FOXO3: variants seen among roughly 807,000 people sequenced by gnomAD.
FOXO3 encodes forkhead box protein O3.
Under a neutral mutation model 41.9 loss-of-function variants are expected in FOXO3, and 4 were observed. That is an observed-to-expected ratio of 0.10 (90% CI 0.05 to 0.22). The LOEUF (loss-of-function observed/expected upper bound fraction) is 0.22. FOXO3 is among the 10% of genes least tolerant of loss of function. The probability of loss-of-function intolerance (pLI) is 1.00; values close to 1 mark genes in which losing one functional copy is unlikely to be tolerated. For synonymous variants in FOXO3, 318 were observed against 389.3 expected (o/e 0.82, Z 2.16); for missense variants, 534 against 906.8 (o/e 0.59, Z 5.28).
Position 108,603,867 on chromosome 6 carries a change from T to C in FOXO3, c.621+42038T>C, listed in dbSNP as rs550620636. 2.6e-4 allele frequency among the ~76,000 whole-genome samples: 39 copies of C among 152,310 alleles called. 1 individual carries two copies. Among genetic ancestry groups the C allele is most frequent in the Admixed American group, 1.9e-3 (29 of 15,292 alleles). ...TTTAGTTCTATTTTTTAAATAAAAA[T>C]TTCCCAGCATGGTACATTAGACAAT... On this transcript the variant is annotated intron_variant, in intron 1 of 2. Coordinates refer to ENST00000406360, the MANE Select transcript of FOXO3 (RefSeq NM_001455.4).
At chr6:108,667,700 T>C (rs1051318223) in intron 2 of FOXO3, among the ~76,000 whole-genome samples, 1 of 152,250 alleles carries the variant, frequency 6.6e-6, no homozygotes, top group Non-Finnish European at 1.5e-5. Flanking sequence ...ATGCATTTCA[T>C]TGTTATATCC....
intron 1 of FOXO3, among the ~76,000 whole-genome samples, chr6:108,596,878 G>A (rs1362032808): frequency 1.3e-5 from 2 of 152,168 alleles, no homozygotes; most frequent in East Asian, 1.9e-4. Context: ...GCAGCTCAAA[G>A]GGATGCTTTT....
At chr6:108,634,748 A>AC (rs749717657) in intron 1 of FOXO3, among the ~76,000 whole-genome samples, 23 of 152,300 alleles carry the variant, frequency 1.5e-4, no homozygotes, top group Non-Finnish European at 2.8e-4. Context: ...GATGATGAGT[A>AC]CATGGGGGTG....
chr6:108,601,749 A>T (rs1262304763), intron 1 of FOXO3, among the ~76,000 whole-genome samples: 1 of 152,200 alleles, frequency 6.6e-6, no homozygotes. Context: ...CATACAGTAT[A>T]TGGATTTTTG....
At chr6:108,669,324 T>C (rs1291819345) in intron 2 of FOXO3, among the ~76,000 whole-genome samples, 1 of 152,186 alleles carries the variant, frequency 6.6e-6, no homozygotes, top group East Asian at 1.9e-4. Context: ...GTTTGACTGA[T>C]GTTTGAATGC....
intron 2 of FOXO3, among the ~76,000 whole-genome samples, chr6:108,669,333 G>C (rs1252252993): frequency 6.6e-6 from 1 of 152,170 alleles, no homozygotes. Flanking sequence ...ATGTTTGAAT[G>C]CTGTGATTCT....
chr6:108,604,401 T>C (rs1303712378), intron 1 of FOXO3, among the ~76,000 whole-genome samples: 1 of 152,236 alleles, frequency 6.6e-6, no homozygotes, highest in Non-Finnish European at 1.5e-5. Flanking sequence ...TGGATGATTG[T>C]GTAGAAGAAC....
Position 108,623,939 on chromosome 6 carries a change from CG to C in FOXO3, c.622-39515del, listed in dbSNP as rs1475064413. On this transcript the variant is annotated intron_variant, in intron 1 of 2. Transcript: ENST00000406360. ...TGGACTTCGAAATGATTGAGAAATT[CG>C]TATTTCTCAGCGAAAATAAGTATTA... Among the ~76,000 whole-genome samples the C allele has an allele frequency of 2.0e-5, 3 of 152,274 alleles. No individual in the cohort carries two copies. The East Asian group carries it at 5.8e-4, about 29-fold the overall frequency.
chr6:108,653,921 T>G (rs1778614125), intron 1 of FOXO3, among the ~76,000 whole-genome samples: 1 of 152,198 alleles, frequency 6.6e-6, no homozygotes, highest in South Asian at 2.1e-4. Context: ...AAAGAGAATT[T>G]CAGTAGCATG....
At chr6:108,591,015 A>T (rs1776718399) in intron 1 of FOXO3, among the ~76,000 whole-genome samples, 1 of 152,186 alleles carries the variant, frequency 6.6e-6, no homozygotes, top group Admixed American at 6.5e-5. Flanking sequence ...CAGCCTTCTC[A>T]TGTAGGTAGG....
chr6:108,661,515 G>T (rs1040054828), intron 1 of FOXO3, among the ~76,000 whole-genome samples: 12 of 152,068 alleles, frequency 7.9e-5, no homozygotes, highest in African/African-American at 2.9e-4. Context: ...AGATTAGAAT[G>T]AGCCTGCTGC....
At chr6:108,646,865 A>G (rs1333086894) in intron 1 of FOXO3, among the ~76,000 whole-genome samples, 1 of 152,258 alleles carries the variant, frequency 6.6e-6, no homozygotes, top group African/African-American at 2.4e-5. Context: ...TGAGTCTTCC[A>G]CATGCCAGGC....
chr6:108,588,640 A>G (rs559279015), intron 1 of FOXO3, among the ~76,000 whole-genome samples: 30 of 152,222 alleles, frequency 2.0e-4, no homozygotes, highest in Non-Finnish European at 4.3e-4. Flanking sequence ...GAAAGTTAAA[A>G]TATCAAGACA....
In FOXO3 at chr6:108,663,923, G is replaced by C. The variant is rs1199595602; in HGVS notation, c.1090G>C (p.Val364Leu). 7 of 1,614,230 alleles carry C rather than the reference G, an allele frequency of 4.3e-6. No individual in the cohort carries two copies. The highest frequency in any genetic ancestry group is 5.1e-6 in the Non-Finnish European group (6 of 1,180,040). ...LSPSVSKPCT[V>L]ELPRLTDMAG... is the part of the protein sequence containing the mutation. The stretch of plus-strand genomic sequence containing the variant: ...ACCTTCAGTAAGCAAGCCGTGCACG[G>C]TGGAACTGCCACGGCTGACTGATAT... The change falls in exon 2 of 3, where the codon GTG (valine) becomes CTG (leucine). Residue 364 changes from valine (V) to leucine (L), a missense_variant. Physicochemically the swap from Val to Leu is conservative, Grantham distance 32 (BLOSUM62 1). Transcript: ENST00000406360.
chr6:108,618,714 G>A (rs1179868441), intron 1 of FOXO3, among the ~76,000 whole-genome samples: 1 of 152,176 alleles, frequency 6.6e-6, no homozygotes, highest in Non-Finnish European at 1.5e-5. Context: ...GACTTCTTAG[G>A]CCAACTGCTT....
intron 1 of FOXO3, among the ~76,000 whole-genome samples, chr6:108,589,159 T>G (rs566654068): frequency 2.0e-5 from 3 of 152,348 alleles, no homozygotes; most frequent in Admixed American, 6.5e-5. Context: ...TGTTCCAGTT[T>G]TACTTAACTT....
chr6:108,568,418 C>T (rs1335345933), intron 1 of FOXO3, among the ~76,000 whole-genome samples: 1 of 151,918 alleles, frequency 6.6e-6, no homozygotes. Flanking sequence ...TGTTCTCCAT[C>T]AGCACTCTCT....
rs144990387 is a variant in FOXO3, at chr6:108,568,979, A to G, written c.621+7150A>G. 1.8e-3 allele frequency among the ~76,000 whole-genome samples: 280 copies of G among 152,316 alleles called. 1 individual carries two copies. The highest frequency in any genetic ancestry group is 6.5e-3 in the African/African-American group (269 of 41,582). ...TTTGCCATCTGTATGTAAACCCGCT[A>G]TTTGTATCATCAACATGCAGTGTCG... On this transcript the variant is annotated intron_variant, in intron 1 of 2. Coordinates refer to ENST00000406360, the MANE Select transcript of FOXO3 (RefSeq NM_001455.4).
intron 1 of FOXO3, among the ~76,000 whole-genome samples, chr6:108,652,672 A>G (rs544692280): frequency 1.3e-5 from 2 of 152,370 alleles, no homozygotes; most frequent in East Asian, 1.9e-4. Flanking sequence ...AGAAAATAAA[A>G]TGAGATCAAA....
Sources: allele counts gnomAD v4.1 joint callset (sites outside exome capture counted in the v4.1 genomes callset), GRCh38; gene constraint gnomAD v4.1.1; transcripts MANE v1.5; gene names NCBI Gene and HGNC (gene_info 2026-07-23, HGNC 2026-07-21).